Variants in CEP78 observed in about 807,000 individuals in gnomAD.
CEP78 encodes centrosomal protein 78, also known as centrosomal protein of 78 kDa.
A neutral mutation model predicts 81.2 loss-of-function variants in CEP78; 76 were observed. The ratio of observed to expected loss-of-function variants is 0.94; its 90% confidence interval spans 0.78 to 1.13. The LOEUF (loss-of-function observed/expected upper bound fraction) is 1.13, where lower values mean the gene tolerates loss of function less well. Ranked by LOEUF, CEP78 falls within the 50% of genes most tolerant of loss-of-function variation. The pLI is 0.00. For synonymous variants in CEP78, 293 were observed against 301.4 expected, an observed-to-expected ratio of 0.97 and a Z score of 0.29; for missense variants, 918 against 846.8, an observed-to-expected ratio of 1.08 and a Z score of -1.04.
At position 78,262,965 on chromosome 9, in the gene CEP78, T is replaced by C. The variant is rs1587602766; in HGVS notation, c.1439T>C (p.Val480Ala). 6.5e-7 allele frequency: 1 copy of C among 1,543,146 alleles called. No individual in the cohort carries two copies. Among genetic ancestry groups the C allele is most frequent in the Non-Finnish European group, 8.8e-7 (1 of 1,142,806 alleles). ...GAAGAAAGAGTGATAAGGCTTAAGG[T>C]TGATAAACGAGTCAGTGAGGTAAAT... ...LKEERVIRLK[V>A]DKRVSELEHE... The change falls in exon 12 of 17, where the codon GTT (valine) becomes GCT (alanine). Residue 480 changes from valine (V) to alanine (A), a missense_variant. Physicochemically the swap from Val to Ala is moderately conservative, Grantham distance 64 (BLOSUM62 0). Coordinates refer to ENST00000643273, the MANE Select transcript of CEP78 (RefSeq NM_001330691.3).
chr9:78,241,762 C>T lies in CEP78; in HGVS notation c.566C>T (p.Thr189Ile), dbSNP rs1826243091. Residue 189 changes from threonine to isoleucine, a missense_variant, in exon 4 of 17, where the codon ACA becomes ATA. By Grantham distance (89) the Thr-to-Ile change is moderately conservative. Transcript: ENST00000643273. ...GTCAACTTCACAGGATGTAATCTGACATGGCAGGGAGCAGATCACATGGCC... is the reference window on the plus strand; with the variant it reads ...GTCAACTTCACAGGATGTAATCTGATATGGCAGGGAGCAGATCACATGGCC... ...KTVNFTGCNL[T>I]WQGADHMAKI... 2 of 1,609,082 alleles carry T rather than the reference C, an allele frequency of 1.2e-6. No homozygotes were observed. The highest frequency in any genetic ancestry group is 1.3e-5 in the African/African-American group (1 of 74,868).
intron 9 of CEP78, 52 bp from the exon 10 acceptor site, chr9:78,253,180 C>G: frequency 1.3e-6 from 1 of 787,826 alleles, no homozygotes; most frequent in Non-Finnish European, 2.2e-6. Flanking sequence ...CTAGTGTTAA[C>G]TGGTGGTGTA....
chr9:78,255,892 A>G (rs1248131568), intron 11 of CEP78, among the ~76,000 whole-genome samples: 3 of 152,224 alleles, frequency 2.0e-5, no homozygotes, highest in African/African-American at 7.2e-5. Context: ...CCAGGGGATT[A>G]GGAAATTTTA....
intron 1 of CEP78, among the ~76,000 whole-genome samples, chr9:78,238,946 G>T (rs1301391517): frequency 6.6e-6 from 1 of 151,824 alleles, no homozygotes; most frequent in Non-Finnish European, 1.5e-5. Context: ...CCATGATTTT[G>T]CCACTGTACT....
chr9:78,265,338 C>A (rs894035299), intron 13 of CEP78, 34 bp from the exon 14 acceptor site: 6 of 1,531,770 alleles, frequency 3.9e-6, no homozygotes, highest in Non-Finnish European at 5.3e-6. Context: ...TTCTAGTAAT[C>A]CTTGCCTTTT....
Position 78,271,888 on chromosome 9 carries a change from CTTTCTTTTCTTTT to C in CEP78, c.*1046_*1058del, listed in dbSNP as rs1827697383. ...AAATTATTGTAGAGTTGGGTTCTTT[CTTTCTTTTCTTTT>C]TTTCTTTTTTTCTTTTTTTTTTGAG... On this transcript the variant is annotated 3_prime_UTR_variant, in exon 17 of 17. Coordinates refer to ENST00000643273, the MANE Select transcript of CEP78 (RefSeq NM_001330691.3). 1 of 151,876 alleles carries C rather than the reference CTTTCTTTTCTTTT, an allele frequency of 6.6e-6. No individual in the cohort carries two copies. Among genetic ancestry groups the C allele is most frequent in the Non-Finnish European group, 1.5e-5 (1 of 68,060 alleles). 9.4% of individuals were successfully genotyped at this position (151,876 alleles called of 1,614,324 possible).
chr9:78,248,089 G>A (rs1236147764), intron 6 of CEP78, among the ~76,000 whole-genome samples: 2 of 152,114 alleles, frequency 1.3e-5, no homozygotes, highest in Non-Finnish European at 2.9e-5. Flanking sequence ...TAGCCATCAG[G>A]GACAATATGT....
At position 78,264,289 on chromosome 9, in the gene CEP78, CT is replaced by C; in HGVS notation, c.1601del (p.Phe534SerfsTer19). The C allele has an allele frequency of 1.2e-6, 2 of 1,613,144 alleles. No homozygotes were observed. Among genetic ancestry groups the C allele is most frequent in the Non-Finnish European group, 1.7e-6 (2 of 1,179,484 alleles). ...GAGAATTCTTTTCAGAAGTTTCATG[CT>C]TTCTTGGATCTCCTTAAAGATGCTG... The part of the protein sequence containing the change: ...SIENSFQKFH[A>X]FLDLLKDAGL... On this transcript the variant is annotated frameshift_variant, in exon 13 of 17. Coordinates refer to ENST00000643273, the MANE Select transcript of CEP78 (RefSeq NM_001330691.3). LOFTEE classifies it high-confidence loss of function.
chr9:78,252,635 A>T (rs1462454308), intron 9 of CEP78, among the ~76,000 whole-genome samples: 1 of 152,224 alleles, frequency 6.6e-6, no homozygotes, highest in East Asian at 1.9e-4. Flanking sequence ...CGAATGACTG[A>T]CTTTTAGTAT....
chr9:78,248,786 G>A lies in CEP78; in HGVS notation c.982G>A (p.Val328Met), dbSNP rs777933609. ...GTACCAGTGGATAACTTCTCCATCA[G>A]TGAAGGAACCATCCAAAACTGCTAA... ...SEYQWITSPSVKEPSKTAKQK... is the reference protein window; with the variant it reads ...SEYQWITSPSMKEPSKTAKQK... The change falls in exon 8 of 17, where the codon GTG becomes ATG. Residue 328 changes from valine to methionine, a missense_variant. Transcript: ENST00000643273. The A allele has an allele frequency of 6.3e-7, 1 of 1,591,014 alleles. No homozygotes were observed. The highest frequency in any genetic ancestry group is 1.1e-5 in the South Asian group (1 of 87,388).
chr9:78,252,258 T>G (rs1781179290), intron 9 of CEP78, among the ~76,000 whole-genome samples: 9 of 152,194 alleles, frequency 5.9e-5, no homozygotes, highest in Admixed American at 5.9e-4. Context: ...TGTATCCCTG[T>G]GGGAGTCCAG....
intron 11 of CEP78, among the ~76,000 whole-genome samples, chr9:78,260,332 G>A (rs1222945902): frequency 6.6e-6 from 1 of 152,122 alleles, no homozygotes; most frequent in African/African-American, 2.4e-5. Flanking sequence ...TTGAAAGTTG[G>A]AAACAGTCTT....
intron 16 of CEP78, chr9:78,267,116 A>G: frequency 2.0e-6 from 2 of 979,752 alleles, no homozygotes; most frequent in South Asian, 1.4e-5. Flanking sequence ...CACTAAAGGA[A>G]GATTTCTCTA....
At chr9:78,267,124 C>G (rs962908892) in intron 16 of CEP78, 14 of 957,594 alleles carry the variant, frequency 1.5e-5, no homozygotes, top group Non-Finnish European at 1.9e-5. Flanking sequence ...GAAGATTTCT[C>G]TATACTTTTT....
intron 1 of CEP78, among the ~76,000 whole-genome samples, chr9:78,238,276 C>T (rs148571911): frequency 7.2e-5 from 11 of 152,194 alleles, no homozygotes; most frequent in Non-Finnish European, 1.2e-4. Context: ...ATGACACAGC[C>T]GAGTTAACTC....
intron 4 of CEP78, among the ~76,000 whole-genome samples, 157 bp downstream of exon 4, chr9:78,241,956 C>T: frequency 6.6e-6 from 1 of 152,112 alleles, no homozygotes; most frequent in Non-Finnish European, 1.5e-5. Flanking sequence ...GCCTGGGGTT[C>T]TACCATTTAT....
chr9:78,269,037 G>A (rs911546684), intron 16 of CEP78, among the ~76,000 whole-genome samples: 4 of 152,200 alleles, frequency 2.6e-5, no homozygotes, highest in Non-Finnish European at 5.9e-5. Flanking sequence ...CATATGGTAT[G>A]CAGCCCTTCT....
At chr9:78,244,589 T>C (rs1826394267) in intron 5 of CEP78, among the ~76,000 whole-genome samples, 1 of 152,222 alleles carries the variant, frequency 6.6e-6, no homozygotes, top group African/African-American at 2.4e-5. Context: ...CCTTAAACTT[T>C]ACAAAAATGA....
rs1563976785 is a variant in CEP78, at chr9:78,240,354, A to C, written c.489A>C (p.Gly163=). 1.3e-6 allele frequency: 2 copies of C among 1,578,752 alleles called. No homozygotes were observed. Among genetic ancestry groups the C allele is most frequent in the South Asian group, 2.3e-5 (2 of 86,628 alleles). ...LSLANCPIGD[G]GLEIICQGIK... ...TTGCAAATTGTCCAATTGGAGATGG[A>C]GGTTTAGAAAGTGAGTTTAAATCTC... The change falls in exon 3 of 17, where the codon GGA becomes GGC. Residue 163 remains glycine, a synonymous_variant. Coordinates refer to ENST00000643273, the MANE Select transcript of CEP78 (RefSeq NM_001330691.3).
Sources: gnomAD v4.1 joint callset for allele counts (sites outside exome capture counted in the v4.1 genomes callset) on GRCh38, gnomAD v4.1.1 for gene constraint, MANE v1.5 for transcripts, NCBI Gene and HGNC (gene_info 2026-07-23, HGNC 2026-07-21) for gene names.